Variants in REDIC1 observed in about 807,000 individuals in gnomAD.
REDIC1 encodes regulator of DNA class I crossover intermediates 1.
At chr12:39,792,321 A>G in the REDIC1 span, among the ~76,000 whole-genome samples, 2 of 151,020 alleles carry the variant, frequency 1.3e-5, no homozygotes, top group Admixed American at 6.6e-5. Context: ...GTGGGCAAGG[A>G]CTTCATGTCC....
At chr12:39,713,182 C>A in the REDIC1 span, among the ~76,000 whole-genome samples, 1 of 148,800 alleles carries the variant, frequency 6.7e-6, no homozygotes, top group African/African-American at 2.5e-5. Context: ...TGTGCATATA[C>A]CCATGTGTAT....
At chr12:39,696,898 TAAAA>T in the REDIC1 span, among the ~76,000 whole-genome samples, 5 of 151,182 alleles carry the variant, frequency 3.3e-5, no homozygotes, top group Non-Finnish European at 5.9e-5. Flanking sequence ...AAAGAAAAAA[TAAAA>T]AAGAATGAAG....
the REDIC1 span, among the ~76,000 whole-genome samples, chr12:39,664,580 G>A: frequency 6.6e-6 from 1 of 151,974 alleles, no homozygotes; most frequent in Non-Finnish European, 1.5e-5. Flanking sequence ...TAATCCTTTG[G>A]GTATATACCC....
chr12:39,732,849 G>A, the REDIC1 span, among the ~76,000 whole-genome samples: 372 of 152,276 alleles, frequency 2.4e-3, 1 homozygote, highest in African/African-American at 8.1e-3. Context: ...CATAGGCTTT[G>A]ATAGCTTCCT....
At chr12:39,828,952 CAT>C in the REDIC1 span, among the ~76,000 whole-genome samples, 1 of 152,064 alleles carries the variant, frequency 6.6e-6, no homozygotes, top group Non-Finnish European at 1.5e-5. Flanking sequence ...ACTCAACTAA[CAT>C]ATAATTTACT....
chr12:39,655,219 T>C, the REDIC1 span, among the ~76,000 whole-genome samples: 1 of 152,152 alleles, frequency 6.6e-6, no homozygotes. Flanking sequence ...TTTTCCATTT[T>C]TTAAGTTCTA....
chr12:39,703,078 G>T, the REDIC1 span, among the ~76,000 whole-genome samples: 3 of 152,132 alleles, frequency 2.0e-5, no homozygotes, highest in Non-Finnish European at 2.9e-5. Flanking sequence ...TGGAAGTTCT[G>T]GCCAGGGCAA....
the REDIC1 span, among the ~76,000 whole-genome samples, chr12:39,656,621 A>T: frequency 6.6e-6 from 1 of 152,194 alleles, no homozygotes; most frequent in African/African-American, 2.4e-5. Context: ...AGGGCCTTTC[A>T]GGAGGTATTC....
chr12:39,874,712 C>T, the REDIC1 span, among the ~76,000 whole-genome samples: 1 of 151,304 alleles, frequency 6.6e-6, no homozygotes, highest in Non-Finnish European at 1.5e-5. Flanking sequence ...ATGTAATGCT[C>T]TATGTTTGGA....
the REDIC1 span, among the ~76,000 whole-genome samples, chr12:39,833,120 C>A: frequency 6.6e-6 from 1 of 152,092 alleles, no homozygotes; most frequent in Non-Finnish European, 1.5e-5. Context: ...TGAGAAAAAT[C>A]TGGCGTACCA....
At chr12:39,712,821 G>A in the REDIC1 span, among the ~76,000 whole-genome samples, 10 of 144,478 alleles carry the variant, frequency 6.9e-5, no homozygotes, top group Non-Finnish European at 1.5e-4. Flanking sequence ...GTATACATGT[G>A]TGTATGTATA....
At chr12:39,633,778 CG>C in the REDIC1 span, among the ~76,000 whole-genome samples, 3 of 152,144 alleles carry the variant, frequency 2.0e-5, no homozygotes, top group African/African-American at 7.2e-5. Flanking sequence ...CTGTCCTTGA[CG>C]GAACCATCGT....
chr12:39,635,618 G>T, the REDIC1 span, among the ~76,000 whole-genome samples: 1 of 127,922 alleles, frequency 7.8e-6, no homozygotes, highest in East Asian at 2.6e-4. Flanking sequence ...AAAGGATAGG[G>T]AACATCACAC....
chr12:39,719,509 G>C, the REDIC1 span, among the ~76,000 whole-genome samples: 3 of 151,880 alleles, frequency 2.0e-5, no homozygotes, highest in Non-Finnish European at 4.4e-5. Context: ...AGTTACTGGA[G>C]AGGCTGAGGT....
At chr12:39,697,675 A>G in the REDIC1 span, among the ~76,000 whole-genome samples, 4 of 152,086 alleles carry the variant, frequency 2.6e-5, no homozygotes, top group Admixed American at 2.6e-4. Flanking sequence ...GCAAACAATT[A>G]AGTTGTTATC....
the REDIC1 span, among the ~76,000 whole-genome samples, chr12:39,827,353 T>A: frequency 2.6e-5 from 4 of 152,306 alleles, no homozygotes; most frequent in Admixed American, 2.0e-4. Flanking sequence ...AGTAGGTAGC[T>A]TTCCAAGCCC....
At chr12:39,764,682 A>G in the REDIC1 span, 1 of 1,591,898 alleles carries the variant, frequency 6.3e-7, no homozygotes, top group South Asian at 1.2e-5. Context: ...TAGTTTATCT[A>G]CTCCAAAAAG....
chr12:39,864,440 T>A, the REDIC1 span, among the ~76,000 whole-genome samples: 1 of 152,246 alleles, frequency 6.6e-6, no homozygotes, highest in Non-Finnish European at 1.5e-5. Context: ...CAGAGGTGAC[T>A]GAATTGTATA....
chr12:39,749,218 C>T, the REDIC1 span, among the ~76,000 whole-genome samples: 3 of 151,794 alleles, frequency 2.0e-5, no homozygotes, highest in Non-Finnish European at 2.9e-5. Context: ...ATAGACACAA[C>T]AAAAAATGAT....
Sources: gnomAD v4.1 joint callset for allele counts (sites outside exome capture counted in the v4.1 genomes callset) on GRCh38, gnomAD v4.1.1 for gene constraint, MANE v1.5 for transcripts, NCBI Gene and HGNC (gene_info 2026-07-23, HGNC 2026-07-21) for gene names.